Variants in PIAS3 observed in about 807,000 individuals in gnomAD.
PIAS3 encodes the protein protein inhibitor of activated STAT 3, also known as E3 SUMO-protein ligase PIAS3.
PIAS3 carries 34 observed loss-of-function variants against 67.6 expected under a neutral mutation model. The observed-to-expected ratio is 0.50, with a 90% CI of 0.38 to 0.67. The LOEUF (loss-of-function observed/expected upper bound fraction) is 0.67. PIAS3 is among the 30% of genes least tolerant of loss of function. The pLI, the probability that PIAS3 is intolerant of heterozygous loss-of-function variation, is 0.00. For synonymous variants in PIAS3, 341 were observed against 313.8 expected, an observed-to-expected ratio of 1.09 and a Z score of -0.92; for missense variants, 693 against 791.6, an observed-to-expected ratio of 0.88 and a Z score of 1.49.
intron 9 of PIAS3, among the ~76,000 whole-genome samples, chr1:145,853,291 T>C (rs1490416744): frequency 6.6e-6 from 1 of 151,250 alleles, no homozygotes; most frequent in Non-Finnish European, 1.5e-5. Context: ...GTGCCTGTAA[T>C]CCCAGCTACT....
chr1:145,856,823 G>C lies in PIAS3; in HGVS notation c.208C>G (p.Leu70Val), dbSNP rs1653209646. Reference sequence around the variant, plus strand: ...AGAAGGGAGAGATCAGAGGGCCCCAGGGTCTTCCGGGGAAAGCGTCGTCGG... The same window carrying C: ...AGAAGGGAGAGATCAGAGGGCCCCACGGTCTTCCGGGGAAAGCGTCGTCGG... The part of the protein sequence containing the change: ...LYRRRFPRKT[L>V]GPSDLSLLSL... The change falls in exon 2 of 14, where the codon CTG becomes GTG. Residue 70 changes from leucine to valine, a missense_variant. Transcript: ENST00000393045. The C allele has an allele frequency of 1.2e-6, 2 of 1,614,034 alleles. No homozygotes were observed. The highest frequency in any genetic ancestry group is 1.7e-6 in the Non-Finnish European group (2 of 1,180,024).
In PIAS3 at chr1:145,856,764, G is replaced by A. The variant is rs1166677604; in HGVS notation, c.267C>T (p.Ser89=). 2 of 1,614,048 alleles carry A rather than the reference G, an allele frequency of 1.2e-6. No homozygotes were observed. The highest frequency in any genetic ancestry group is 2.2e-5 in the East Asian group (1 of 44,878). Residue 89 remains serine (S), a synonymous_variant, in exon 2 of 14, where the codon TCC becomes TCT. Transcript: ENST00000393045. Reference sequence around the variant, plus strand: ...GGGGAATGGGAGCTAGAGGACCAGGGGAGCCTACAGGAGAGGTGCCAGGGG... The same window carrying A: ...GGGGAATGGGAGCTAGAGGACCAGGAGAGCCTACAGGAGAGGTGCCAGGGG... The part of the protein sequence containing the change: ...SLPPGTSPVG[S]PGPLAPIPPT...
intron 9 of PIAS3, among the ~76,000 whole-genome samples, chr1:145,851,908 C>T (rs587609793): frequency 6.1e-5 from 9 of 147,770 alleles, no homozygotes; most frequent in African/African-American, 2.0e-4. Flanking sequence ...GCTGAGATCA[C>T]GAGACTGTGC....
intron 13 of PIAS3, 45 bp downstream of exon 13, chr1:145,850,187 G>T (rs782374716): frequency 6.2e-7 from 1 of 1,613,254 alleles, no homozygotes; most frequent in Non-Finnish European, 8.5e-7. Context: ...TGTCTAGAAA[G>T]GAAGCTTCAG....
chr1:145,854,929 C>A (rs1653103505), intron 5 of PIAS3, 49 bp from the exon 6 acceptor site: 1 of 1,604,466 alleles, frequency 6.2e-7, no homozygotes, highest in African/African-American at 1.3e-5. Context: ...TGGGAAGGGG[C>A]TCTGCTCTTT....
chr1:145,854,979 AG>A, intron 5 of PIAS3, 99 bp from the exon 6 acceptor site: 1 of 1,434,530 alleles, frequency 7.0e-7, no homozygotes, highest in Non-Finnish European at 9.6e-7. Context: ...CAATCCCTGG[AG>A]GGAAGGCCAA....
chr1:145,856,256 G>A (rs1170150663), intron 3 of PIAS3, 91 bp downstream of exon 3: 4 of 1,249,576 alleles, frequency 3.2e-6, no homozygotes, highest in South Asian at 2.4e-5. Context: ...AGTAGGTATA[G>A]GAGGAGGGAT....
At chr1:145,858,877 C>T in intron 1 of PIAS3, 90 bp downstream of exon 1, 1 of 1,267,484 alleles carries the variant, frequency 7.9e-7, no homozygotes, top group Non-Finnish European at 1.1e-6. Flanking sequence ...CGGCGCCCAC[C>T]CGAGCCCCGG....
Position 145,849,232 on chromosome 1 carries a change from A to G in PIAS3, c.*214T>C. 1 of 405,776 alleles carries G rather than the reference A, an allele frequency of 2.5e-6. No individual in the cohort carries two copies. Among genetic ancestry groups the G allele is most frequent in the East Asian group, 3.7e-5 (1 of 27,284 alleles). 25.1% of individuals were successfully genotyped at this position (405,776 alleles called of 1,614,324 possible). On this transcript the variant is annotated 3_prime_UTR_variant, in exon 14 of 14. Coordinates refer to ENST00000393045, the MANE Select transcript of PIAS3 (RefSeq NM_006099.3). Reference sequence around the variant, plus strand: ...GTGCCACCATCTAAAGAACATTTCCAGAAACAGACCCCAGTGTCCTTAAAA... The same window carrying G: ...GTGCCACCATCTAAAGAACATTTCCGGAAACAGACCCCAGTGTCCTTAAAA...
chr1:145,854,787 G>A lies in PIAS3; in HGVS notation c.763C>T (p.Pro255Ser). The A allele has an allele frequency of 1.2e-6, 2 of 1,614,200 alleles. No individual in the cohort carries two copies. Among genetic ancestry groups the A allele is most frequent in the Non-Finnish European group, 1.7e-6 (2 of 1,180,042 alleles). ...GACCAATTGACCACAATGGTGTTGG[G>A]AACAGTGGCTGAGAGTCGAGCCAGG... ...TPLARLSATVPNTIVVNWSSE... is the reference protein window; with the variant it reads ...TPLARLSATVSNTIVVNWSSE... Residue 255 changes from proline to serine, a missense_variant, in exon 6 of 14, where the codon CCC becomes TCC. Pro to Ser is a moderately conservative substitution (Grantham distance 74). Around this residue, in one of 3 missense-constraint regions of PIAS3, gnomAD observed 308 missense variants for 348.8 expected, o/e 0.88. Coordinates refer to ENST00000393045, the MANE Select transcript of PIAS3 (RefSeq NM_006099.3).
chr1:145,856,680 G>C lies in PIAS3; in HGVS notation c.351C>G (p.Pro117=). The change falls in exon 2 of 14, where the codon CCC becomes CCG. Residue 117 remains proline (P), a synonymous_variant. Coordinates refer to ENST00000393045, the MANE Select transcript of PIAS3 (RefSeq NM_006099.3). Reference sequence around the variant, plus strand: ...CAGGGTGCACAGGCTGGGGCAGAGGGGGGTGCATGTCCACCTCACGCTTGG... The same window carrying C: ...CAGGGTGCACAGGCTGGGGCAGAGGCGGGTGCATGTCCACCTCACGCTTGG... The part of the protein sequence containing the change: ...LGPKREVDMH[P]PLPQPVHPDV... 1 of 1,609,078 alleles carries C rather than the reference G, an allele frequency of 6.2e-7. No individual in the cohort carries two copies. Among genetic ancestry groups the C allele is most frequent in the Non-Finnish European group, 8.5e-7 (1 of 1,176,618 alleles).
Position 145,849,655 on chromosome 1 carries a change from A to G in PIAS3, c.1678T>C (p.Phe560Leu). ...TGAGAAGGGGTCCCTCGGTACTGGAAGAAGTGGCCAAGGGCATCCTGTTCA... is the reference window on the plus strand; with the variant it reads ...TGAGAAGGGGTCCCTCGGTACTGGAGGAAGTGGCCAAGGGCATCCTGTTCA... ...LDEQDALGHF[F>L]QYRGTPSHFL... Residue 560 changes from phenylalanine to leucine, a missense_variant, in exon 14 of 14, where the codon TTC becomes CTC. Phe to Leu is a conservative substitution (Grantham distance 22, BLOSUM62 0). Coordinates refer to ENST00000393045, the MANE Select transcript of PIAS3 (RefSeq NM_006099.3). 1 of 1,613,050 alleles carries G rather than the reference A, an allele frequency of 6.2e-7. No homozygotes were observed. The highest frequency in any genetic ancestry group is 8.5e-7 in the Non-Finnish European group (1 of 1,179,510).
In PIAS3 at chr1:145,851,000, G is replaced by C; in HGVS notation, c.1279+20C>G. The C allele has an allele frequency of 6.2e-7, 1 of 1,614,158 alleles. No homozygotes were observed. Among genetic ancestry groups the C allele is most frequent in the Non-Finnish European group, 8.5e-7 (1 of 1,180,008 alleles). On this transcript the variant is annotated intron_variant, in intron 10 of 13. Coordinates refer to ENST00000393045, the MANE Select transcript of PIAS3 (RefSeq NM_006099.3). ...GGCCATCCAAGATTTAGCTTAGCTG[G>C]GGAACAGGGGGTCACTCACCATCCA...
intron 5 of PIAS3, 74 bp from the exon 6 acceptor site, chr1:145,854,954 T>G: frequency 3.2e-6 from 5 of 1,542,582 alleles, no homozygotes; most frequent in Non-Finnish European, 4.5e-6. Context: ...AAAAGATATC[T>G]TGTCTCGGGT....
chr1:145,854,473 G>A lies in PIAS3; in HGVS notation c.895C>T (p.His299Tyr). 1 of 1,612,760 alleles carries A rather than the reference G, an allele frequency of 6.2e-7. No homozygotes were observed. The highest frequency in any genetic ancestry group is 8.5e-7 in the Non-Finnish European group (1 of 1,178,738). Residue 299 changes from histidine to tyrosine, a missense_variant, in exon 7 of 14, where the codon CAC becomes TAC. His to Tyr is a moderately conservative substitution (Grantham distance 83, BLOSUM62 2). Transcript: ENST00000393045. ...TGTTACTCACTCAGTGCCCGCGAGTGGTCTGGGTTCCGGATACCCTTTGCT... is the reference window on the plus strand; with the variant it reads ...TGTTACTCACTCAGTGCCCGCGAGTAGTCTGGGTTCCGGATACCCTTTGCT... ...LRAKGIRNPD[H>Y]SRALIKEKLT...
At chr1:145,857,140 T>A in intron 1 of PIAS3, 134 bp from the exon 2 acceptor site, 2 of 770,876 alleles carry the variant, frequency 2.6e-6, no homozygotes, top group South Asian at 1.7e-5. Flanking sequence ...TCGCAGCTAG[T>A]GGATTACTGC....
In PIAS3 at chr1:145,859,022, C is replaced by T; in HGVS notation, c.-32G>A. The T allele has an allele frequency of 6.5e-7, 1 of 1,542,288 alleles. No individual in the cohort carries two copies. Among genetic ancestry groups the T allele is most frequent in the Non-Finnish European group, 8.7e-7 (1 of 1,144,966 alleles). ...ACATCGCAGGCGCCCCAGCCGGAGC[C>T]GGAGCTCAGGCCCAGGGACCGGCGC... On this transcript the variant is annotated 5_prime_UTR_variant, in exon 1 of 14. Transcript: ENST00000393045.
rs587616682 is a variant in PIAS3, at chr1:145,850,442, C to A, written c.1582+11G>T. 5.0e-6 allele frequency: 8 copies of A among 1,614,074 alleles called. No homozygotes were observed. The African/African-American group carries it at 1.1e-4, about 22-fold the overall frequency. On this transcript the variant is annotated intron_variant, in intron 12 of 13. Coordinates refer to ENST00000393045, the MANE Select transcript of PIAS3 (RefSeq NM_006099.3). ...GGCAGTGCAGGGTCCATCTTATGAC[C>A]CATGTCATACCTTGGATGTCGGCTC...
chr1:145,850,912 C>G lies in PIAS3; in HGVS notation c.1307G>C (p.Gly436Ala), dbSNP rs1652932111. 6.2e-7 allele frequency: 1 copy of G among 1,613,932 alleles called. No individual in the cohort carries two copies. The highest frequency in any genetic ancestry group is 1.1e-5 in the South Asian group (1 of 91,080). Reference sequence around the variant, plus strand: ...CTTCTTCTTATTCTCTGATGGATCTCCCCCCTGGACTGGGCTGTACTGGAG... The same window carrying G: ...CTTCTTCTTATTCTCTGATGGATCTGCCCCCTGGACTGGGCTGTACTGGAG... ...DGLQYSPVQG[G>A]DPSENKKKVE... is the part of the protein sequence containing the mutation. Residue 436 changes from glycine to alanine, a missense_variant, in exon 11 of 14, where the codon GGA becomes GCA. Transcript: ENST00000393045.
Sources: gnomAD v4.1 joint callset for allele counts (sites outside exome capture counted in the v4.1 genomes callset) on GRCh38, gnomAD v4.1.1 for gene constraint, gnomAD v4.1.1 regional missense constraint, MANE v1.5 for transcripts, NCBI Gene and HGNC (gene_info 2026-07-23, HGNC 2026-07-21) for gene names.